SCN11A: variants seen among roughly 807,000 people sequenced by gnomAD.
SCN11A encodes sodium voltage-gated channel alpha subunit 11.
A neutral mutation model predicts 162.2 loss-of-function variants in SCN11A; 122 were observed. That is an observed-to-expected ratio of 0.75 (90% CI 0.65 to 0.87). The LOEUF is 0.87. Ranked by LOEUF, SCN11A falls within the 40% of genes least tolerant of loss-of-function variation. The probability of loss-of-function intolerance (pLI) is 0.00; values close to 1 mark genes in which losing one functional copy is unlikely to be tolerated. For missense variants in SCN11A, 2,015 were observed against 2,181.6 expected, an observed-to-expected ratio of 0.92 and a Z score of 1.52; for synonymous variants, 758 against 751.5, an observed-to-expected ratio of 1.01 and a Z score of -0.14.
intron 2 of SCN11A, among the ~76,000 whole-genome samples, chr3:39,006,533 C>CAATAGATAAATAA (rs1212935269): frequency 4.0e-5 from 6 of 150,926 alleles, no homozygotes; most frequent in Non-Finnish European, 8.9e-5. Context: ...ACAAACCAAC[C>CAATAGATAAATAA]AATAGATAAA....
At chr3:39,024,435 T>A (rs2031534277) in intron 2 of SCN11A, among the ~76,000 whole-genome samples, 1 of 152,196 alleles carries the variant, frequency 6.6e-6, no homozygotes, top group African/African-American at 2.4e-5. Flanking sequence ...AGAACATCTT[T>A]ATGGCCAGTG....
Position 38,850,557 on chromosome 3 carries a change from G to A in SCN11A, c.4251C>T (p.Ile1417=). Residue 1417 remains isoleucine (I), a synonymous_variant, in exon 29 of 30, where the codon ATC becomes ATT. Transcript: ENST00000302328. ...VIFTLECLIK[I]FALRQYYFTN... is the part of the protein sequence containing the mutation. ...TGAAGTAGTATTGCCTCAAAGCAAA[G>A]ATTTTGATGAGACATTCTAACGTAA... 1 of 1,613,804 alleles carries A rather than the reference G, an allele frequency of 6.2e-7. No homozygotes were observed. The highest frequency in any genetic ancestry group is 8.5e-7 in the Non-Finnish European group (1 of 1,179,724).
intron 2 of SCN11A, among the ~76,000 whole-genome samples, chr3:38,982,384 A>C (rs2030087778): frequency 6.6e-6 from 1 of 152,204 alleles, no homozygotes; most frequent in Non-Finnish European, 1.5e-5. Flanking sequence ...AACAAAGTGC[A>C]CAAGTCTTCC....
chr3:39,032,549 C>T (rs931589217), intron 1 of SCN11A, among the ~76,000 whole-genome samples, 46 bp from the exon 2 acceptor site: 3 of 152,078 alleles, frequency 2.0e-5, no homozygotes. Flanking sequence ...TATCATTTCA[C>T]AAGACCTTTT....
intron 7 of SCN11A, among the ~76,000 whole-genome samples, chr3:38,937,740 T>C (rs1024711183): frequency 2.0e-5 from 3 of 152,200 alleles, no homozygotes; most frequent in Admixed American, 2.0e-4. Context: ...CTGGAGAGGA[T>C]GTGGAGAAAT....
At chr3:38,930,901 G>C (rs1251442308) in intron 7 of SCN11A, among the ~76,000 whole-genome samples, 7 of 152,280 alleles carry the variant, frequency 4.6e-5, no homozygotes, top group African/African-American at 1.4e-4. Flanking sequence ...TTTCCTCCCT[G>C]CCTTATGGGT....
intron 19 of SCN11A, 29 bp downstream of exon 19, chr3:38,894,504 C>G (rs753912165): frequency 6.5e-7 from 1 of 1,549,836 alleles, no homozygotes; most frequent in Non-Finnish European, 8.8e-7. Context: ...CTTTGTATGA[C>G]CTTTAAGTCT....
Position 38,888,762 on chromosome 3 carries a change from G to C in SCN11A, c.2836-2524C>G, listed in dbSNP as rs1473716033. On this transcript the variant is annotated intron_variant, in intron 19 of 29. Coordinates refer to ENST00000302328, the MANE Select transcript of SCN11A (RefSeq NM_001349253.2). ...GTTCAAGAAAATCTACTAAAATTCA[G>C]TAAGAACAGCAGAAATTGATGACAC... Among the ~76,000 whole-genome samples, 5 of 152,252 alleles carry C rather than the reference G, an allele frequency of 3.3e-5. No homozygotes were observed. The East Asian group carries it at 9.7e-4, about 29-fold the overall frequency.
chr3:38,955,160 T>C (rs2066666830), intron 3 of SCN11A, among the ~76,000 whole-genome samples: 1 of 152,088 alleles, frequency 6.6e-6, no homozygotes, highest in Non-Finnish European at 1.5e-5. Context: ...TGGTGGCGTG[T>C]GCCTGTAATC....
chr3:38,952,977 T>C (rs1186832548), intron 4 of SCN11A, among the ~76,000 whole-genome samples: 3 of 152,052 alleles, frequency 2.0e-5, no homozygotes, highest in African/African-American at 7.2e-5. Flanking sequence ...CTGAGGGTAA[T>C]GGGGAATTAC....
intron 3 of SCN11A, among the ~76,000 whole-genome samples, chr3:38,958,094 T>C (rs926733600): frequency 3.3e-5 from 5 of 152,210 alleles, no homozygotes; most frequent in African/African-American, 7.2e-5. Flanking sequence ...CCTGTAGTTA[T>C]AAAAGTCACA....
chr3:38,880,693 CA>C (rs2065294600), intron 22 of SCN11A, among the ~76,000 whole-genome samples: 1 of 152,124 alleles, frequency 6.6e-6, no homozygotes, highest in Middle Eastern at 3.2e-3. Context: ...ATGACATTAA[CA>C]AAATTTGGAA....
intron 19 of SCN11A, among the ~76,000 whole-genome samples, chr3:38,886,613 G>A (rs993840809): frequency 6.6e-6 from 1 of 151,890 alleles, no homozygotes; most frequent in Admixed American, 6.6e-5. Flanking sequence ...TTAATAAATG[G>A]TACACAATGC....
intron 19 of SCN11A, among the ~76,000 whole-genome samples, chr3:38,889,011 T>G (rs556998526): frequency 6.6e-6 from 1 of 152,152 alleles, no homozygotes; most frequent in Non-Finnish European, 1.5e-5. Flanking sequence ...AAATTTTTTT[T>G]AATGAAATTG....
chr3:39,010,326 G>T (rs1271504568), intron 2 of SCN11A, among the ~76,000 whole-genome samples: 2 of 151,468 alleles, frequency 1.3e-5, no homozygotes, highest in African/African-American at 4.9e-5. Flanking sequence ...TTTTGTTGAA[G>T]ATGAAAGCTG....
intron 27 of SCN11A, among the ~76,000 whole-genome samples, chr3:38,866,570 T>C (rs1295302651): frequency 2.0e-5 from 3 of 152,228 alleles, no homozygotes; most frequent in African/African-American, 4.8e-5. Flanking sequence ...CATAAGCTTA[T>C]AACTAATGAG....
intron 2 of SCN11A, among the ~76,000 whole-genome samples, chr3:38,986,104 G>A (rs994027272): frequency 6.6e-6 from 1 of 150,972 alleles, no homozygotes; most frequent in South Asian, 2.1e-4. Flanking sequence ...CACACTTTTT[G>A]ATTTGCACAA....
chr3:38,940,913 G>C (rs1322507328), intron 7 of SCN11A, among the ~76,000 whole-genome samples: 2 of 152,154 alleles, frequency 1.3e-5, no homozygotes, highest in Non-Finnish European at 2.9e-5. Context: ...CCCTCCCACA[G>C]ATAATGAGTA....
chr3:39,029,944 T>C (rs1186199781), intron 2 of SCN11A, among the ~76,000 whole-genome samples: 1 of 152,242 alleles, frequency 6.6e-6, no homozygotes, highest in African/African-American at 2.4e-5. Flanking sequence ...TGTGGCAAGA[T>C]GATTTGTTCA....
Sources: gnomAD v4.1 joint callset for allele counts (sites outside exome capture counted in the v4.1 genomes callset) on GRCh38, gnomAD v4.1.1 for gene constraint, MANE v1.5 for transcripts, NCBI Gene and HGNC (gene_info 2026-07-23, HGNC 2026-07-21) for gene names.